Variants in ADGRL4 observed in about 807,000 individuals in gnomAD.
ADGRL4 encodes adhesion G protein-coupled receptor L4.
Under a neutral mutation model 74.8 loss-of-function variants are expected in ADGRL4, and 90 were observed. That is an observed-to-expected ratio of 1.20 (90% CI 1.02 to 1.43). The LOEUF is 1.43. Ranked by LOEUF, ADGRL4 falls within the 40% of genes most tolerant of loss-of-function variation. ADGRL4 has a pLI of 0.00. For missense variants in ADGRL4, 881 were observed against 814.3 expected (o/e 1.08, Z -1.00); for synonymous variants, 311 against 279.2 (o/e 1.11, Z -1.14).
At chr1:79,001,222 AGAGGGAGGGAGG>A (rs1158637075) in intron 2 of ADGRL4, among the ~76,000 whole-genome samples, 3 of 90,486 alleles carry the variant, frequency 3.3e-5, no homozygotes, top group Non-Finnish European at 6.2e-5. Flanking sequence ...AGGAAGGGAG[AGAGGGAGGGAGG>A]GAGGGAGGGA....
intron 12 of ADGRL4, among the ~76,000 whole-genome samples, chr1:78,894,873 A>C (rs1648361851): frequency 6.6e-6 from 1 of 151,950 alleles, no homozygotes; most frequent in South Asian, 2.1e-4. Context: ...AATTTATTTA[A>C]GTTTCTTAAA....
Position 78,938,148 on chromosome 1 carries a change from C to G in ADGRL4, c.528G>C (p.Lys176Asn), listed in dbSNP as rs1649396990. 1.2e-6 allele frequency: 2 copies of G among 1,612,886 alleles called. No individual in the cohort carries two copies. The highest frequency in any genetic ancestry group is 1.3e-5 in the African/African-American group (1 of 74,856). Residue 176 changes from lysine to asparagine, a missense_variant, in exon 5 of 15, where the codon AAG (lysine) becomes AAC (asparagine). Physicochemically the swap from Lys to Asn is moderately conservative, Grantham distance 94. Transcript: ENST00000370742. ...TGTCCTTGGCTGAGATAGTGTTGTT[C>G]TTGTAACCTAGTAATGAAGATGATT... ...LAESSSLLGY[K>N]NNTISAKDTL... is the part of the protein sequence containing the mutation.
At chr1:78,940,068 A>G (rs1649444705) in intron 3 of ADGRL4, among the ~76,000 whole-genome samples, 1 of 152,182 alleles carries the variant, frequency 6.6e-6, no homozygotes, top group Admixed American at 6.5e-5. Flanking sequence ...CAACAAAGTC[A>G]TTACAGAAAT....
chr1:78,962,297 C>T (rs567235734), intron 2 of ADGRL4, among the ~76,000 whole-genome samples: 48 of 152,254 alleles, frequency 3.2e-4, no homozygotes, highest in African/African-American at 9.4e-4. Context: ...ACTGCCACTG[C>T]GGACACTCCT....
rs576307282 is a variant in ADGRL4 at position 79,001,339 on chromosome 1, A to G, written c.172+3731T>C. On this transcript the variant is annotated intron_variant, in intron 2 of 14. Coordinates refer to ENST00000370742, the MANE Select transcript of ADGRL4 (RefSeq NM_022159.4). ...TTTCAATACTTAAAAATAAAAGGAC[A>G]AGAAAAGTTTCAGATGAACTACCAG... 1.0e-3 allele frequency among the ~76,000 whole-genome samples: 153 copies of G among 152,256 alleles called. 1 individual carries two copies. The highest frequency in any genetic ancestry group is 3.4e-3 in the Middle Eastern group (1 of 294).
intron 2 of ADGRL4, among the ~76,000 whole-genome samples, chr1:78,988,596 C>T (rs191311409): frequency 7.6e-4 from 115 of 151,898 alleles, no homozygotes; most frequent in Non-Finnish European, 1.0e-3. Context: ...TGATGAATGC[C>T]TCAACAGCCA....
chr1:78,910,503 A>G (rs932001787), intron 12 of ADGRL4, among the ~76,000 whole-genome samples: 2 of 151,860 alleles, frequency 1.3e-5, no homozygotes, highest in Non-Finnish European at 2.9e-5. Context: ...ACATAGCTTA[A>G]TTAGTATTTG....
At chr1:78,960,155 A>C (rs913898779) in intron 2 of ADGRL4, among the ~76,000 whole-genome samples, 1 of 152,202 alleles carries the variant, frequency 6.6e-6, no homozygotes, top group Non-Finnish European at 1.5e-5. Flanking sequence ...AAATGCTTAC[A>C]TAAAAGCATA....
Position 78,939,189 on chromosome 1 carries a change from T to A in ADGRL4, c.395A>T (p.Lys132Ile), listed in dbSNP as rs529346981. Residue 132 changes from lysine (K) to isoleucine (I), a missense_variant and splice_region_variant, in exon 4 of 15, where the codon AAA becomes ATA. By Grantham distance (102) the Lys-to-Ile change is moderately radical (BLOSUM62 -3). Transcript: ENST00000370742. The part of the protein sequence containing the change: ...IAANINKTLT[K>I]IRSIKEPVAL... ...TAAATTGTTAACTGTTCTACTTACT[T>A]TTGTTAAAGTTTTATTAATATTTGC... 6.4e-7 allele frequency: 1 copy of A among 1,561,066 alleles called. No homozygotes were observed. The highest frequency in any genetic ancestry group is 1.4e-5 in the African/African-American group (1 of 72,380).
At chr1:78,977,309 C>A (rs564478271) in intron 2 of ADGRL4, among the ~76,000 whole-genome samples, 3 of 151,836 alleles carry the variant, frequency 2.0e-5, no homozygotes, top group Non-Finnish European at 4.4e-5. Context: ...TCTAAAATCA[C>A]AGGTAATAGT....
At chr1:78,946,088 C>G (rs1649595053) in intron 3 of ADGRL4, among the ~76,000 whole-genome samples, 186 bp downstream of exon 3, 1 of 151,838 alleles carries the variant, frequency 6.6e-6, no homozygotes, top group African/African-American at 2.4e-5. Context: ...TTCCTGTATC[C>G]TTGGATAACT....
chr1:78,930,394 T>A (rs6424615), intron 7 of ADGRL4, among the ~76,000 whole-genome samples: 90,290 of 149,448 alleles, frequency 0.6, 28,023 homozygotes, highest in East Asian at 0.7. Flanking sequence ...AGATAAATGA[T>A]TAAATTGAAA....
intron 7 of ADGRL4, among the ~76,000 whole-genome samples, chr1:78,933,753 T>G (rs902688726): frequency 6.9e-6 from 1 of 144,906 alleles, no homozygotes; most frequent in Non-Finnish European, 1.5e-5. Context: ...AAAATCAATG[T>G]GCAAAAATCA....
At chr1:78,941,970 C>G (rs1443911352) in intron 3 of ADGRL4, among the ~76,000 whole-genome samples, 1 of 151,962 alleles carries the variant, frequency 6.6e-6, no homozygotes, top group Admixed American at 6.6e-5. Context: ...GAGGCCGAGG[C>G]GGGTGGATCA....
chr1:78,941,337 T>C (rs937020879), intron 3 of ADGRL4, among the ~76,000 whole-genome samples: 3 of 152,178 alleles, frequency 2.0e-5, no homozygotes, highest in Non-Finnish European at 2.9e-5. Flanking sequence ...AGATGAGTCT[T>C]TTTTAGAGCA....
chr1:78,894,353 C>T (rs894729811), intron 12 of ADGRL4, among the ~76,000 whole-genome samples: 11 of 151,692 alleles, frequency 7.3e-5, no homozygotes, highest in Non-Finnish European at 1.3e-4. Context: ...GGGGTCTAGT[C>T]TCTATTTCCT....
At chr1:78,923,068 T>C (rs1264129525) in intron 8 of ADGRL4, among the ~76,000 whole-genome samples, 1 of 151,994 alleles carries the variant, frequency 6.6e-6, no homozygotes, top group East Asian at 2.0e-4. Flanking sequence ...TGAGTTAAAA[T>C]TGGAGAGATT....
chr1:78,896,733 G>C (rs1390858818), intron 12 of ADGRL4, among the ~76,000 whole-genome samples: 1 of 152,082 alleles, frequency 6.6e-6, no homozygotes, highest in Non-Finnish European at 1.5e-5. Context: ...ATGTAAGTCA[G>C]ATCTTTTCAC....
intron 2 of ADGRL4, among the ~76,000 whole-genome samples, chr1:78,965,034 CTG>C (rs1650027153): frequency 7.1e-6 from 1 of 141,584 alleles, no homozygotes; most frequent in Non-Finnish European, 1.6e-5. Flanking sequence ...TTAAAAAAAA[CTG>C]TGAAGCTAAA....
Sources: allele counts gnomAD v4.1 joint callset (sites outside exome capture counted in the v4.1 genomes callset), GRCh38; gene constraint gnomAD v4.1.1; transcripts MANE v1.5; gene names NCBI Gene and HGNC (gene_info 2026-07-23, HGNC 2026-07-21).